AFF3: variants seen among roughly 807,000 people sequenced by gnomAD.
AFF3 encodes ALF transcription elongation factor 3.
A neutral mutation model predicts 129.7 loss-of-function variants in AFF3; 32 were observed. That is an observed-to-expected ratio of 0.25 (90% CI 0.19 to 0.33). The LOEUF is 0.33. Ranked by LOEUF, AFF3 falls within the 10% of genes least tolerant of loss-of-function variation. The pLI, the probability that AFF3 is intolerant of heterozygous loss-of-function variation, is 1.00. For missense variants in AFF3, 1,373 were observed against 1,592.0 expected (o/e 0.86, Z 2.34); for synonymous variants, 644 against 635.4 (o/e 1.01, Z -0.20).
At chr2:100,052,551 C>T (rs1559089388) in intron 4 of AFF3, among the ~76,000 whole-genome samples, 2 of 152,244 alleles carry the variant, frequency 1.3e-5, no homozygotes. Flanking sequence ...CAAACTTTCA[C>T]ACCACCTATA....
chr2:100,124,672 TG>T (rs751129569), intron 2 of AFF3, among the ~76,000 whole-genome samples: 1 of 102,548 alleles, frequency 9.8e-6, no homozygotes, highest in Non-Finnish European at 2.0e-5. Context: ...AGGGGGGAGA[TG>T]GGGGGGTGTA....
At chr2:100,046,428 A>C (rs1179365605) in intron 4 of AFF3, among the ~76,000 whole-genome samples, 1 of 152,160 alleles carries the variant, frequency 6.6e-6, no homozygotes, top group Admixed American at 6.5e-5. Context: ...GGCTGTAGGA[A>C]AAAGAGGAGA....
chr2:99,745,980 T>C (rs1227319753), intron 9 of AFF3, among the ~76,000 whole-genome samples: 4 of 152,074 alleles, frequency 2.6e-5, no homozygotes, highest in African/African-American at 4.8e-5. Context: ...AGTGGGAGGA[T>C]AGGAGTGGGA....
At chr2:99,998,623 T>A (rs528429703) in intron 7 of AFF3, among the ~76,000 whole-genome samples, 1 of 152,196 alleles carries the variant, frequency 6.6e-6, no homozygotes, top group Non-Finnish European at 1.5e-5. Context: ...TAGTGTGTAT[T>A]AAAAACATGC....
chr2:100,113,476 T>C (rs1025233303), intron 2 of AFF3, among the ~76,000 whole-genome samples: 1 of 152,216 alleles, frequency 6.6e-6, no homozygotes, highest in Admixed American at 6.5e-5. Flanking sequence ...CTTAGTGCTA[T>C]GATGAGAGAA....
At chr2:99,936,297 G>T (rs1221603621) in intron 7 of AFF3, among the ~76,000 whole-genome samples, 4 of 152,120 alleles carry the variant, frequency 2.6e-5, no homozygotes, top group Non-Finnish European at 4.4e-5. Context: ...ATGTGGGCAG[G>T]AATCCCCAGG....
intron 7 of AFF3, among the ~76,000 whole-genome samples, chr2:99,941,490 A>G (rs1285321439): frequency 2.0e-5 from 3 of 152,238 alleles, no homozygotes; most frequent in Non-Finnish European, 4.4e-5. Context: ...ACAGCTGCAT[A>G]TCACGATGAT....
At chr2:99,980,947 T>C (rs1679346093) in intron 7 of AFF3, among the ~76,000 whole-genome samples, 1 of 152,232 alleles carries the variant, frequency 6.6e-6, no homozygotes, top group Non-Finnish European at 1.5e-5. Context: ...TGTTTTTATA[T>C]ACTTGTTTTT....
At chr2:99,628,387 G>A (rs1682797070) in intron 13 of AFF3, among the ~76,000 whole-genome samples, 1 of 152,042 alleles carries the variant, frequency 6.6e-6, no homozygotes, top group Non-Finnish European at 1.5e-5. Flanking sequence ...AGGAATACTA[G>A]TGATTTTTGC....
chr2:100,008,808 C>G lies in AFF3; in HGVS notation c.174+4G>C. ...GTAGAGATGAACAACTGAAAACCAT[C>G]TACCTTGTAGGGCTCACTGAAGAGA... On this transcript the variant is annotated splice_donor_region_variant and intron_variant, in intron 5 of 24. Coordinates refer to ENST00000672756, the MANE Select transcript of AFF3 (RefSeq NM_001386135.1). The G allele has an allele frequency of 3.7e-6, 6 of 1,613,018 alleles. No individual in the cohort carries two copies. Among genetic ancestry groups the G allele is most frequent in the Non-Finnish European group, 5.1e-6 (6 of 1,179,494 alleles).
intron 17 of AFF3, among the ~76,000 whole-genome samples, chr2:99,581,455 C>G (rs1677533045): frequency 6.6e-6 from 1 of 151,966 alleles, no homozygotes; most frequent in Non-Finnish European, 1.5e-5. Flanking sequence ...ATCTTTAATT[C>G]ATGGGATAAA....
At chr2:99,976,798 G>GT (rs3073411) in intron 7 of AFF3, among the ~76,000 whole-genome samples, 4,520 of 132,156 alleles carry the variant, frequency 0.034, 147 homozygotes, top group African/African-American at 0.087. Flanking sequence ...TTTTGTTCCT[G>GT]TTTTTTTTTT....
chr2:99,721,304 G>A (rs1174034122), intron 11 of AFF3, among the ~76,000 whole-genome samples: 1 of 152,132 alleles, frequency 6.6e-6, no homozygotes, highest in Non-Finnish European at 1.5e-5. Context: ...GCCAAGGTGG[G>A]CGGATCATGA....
chr2:99,701,094 G>C (rs1266102293), intron 11 of AFF3, among the ~76,000 whole-genome samples: 1 of 152,220 alleles, frequency 6.6e-6, no homozygotes, highest in South Asian at 2.1e-4. Flanking sequence ...GAATGCCACA[G>C]TGGCCGGAGC....
At chr2:99,681,093 G>C (rs1371051237) in intron 11 of AFF3, among the ~76,000 whole-genome samples, 1 of 152,052 alleles carries the variant, frequency 6.6e-6, no homozygotes, top group Non-Finnish European at 1.5e-5. Context: ...AGCTCCCTAG[G>C]GAGCTGATTC....
Position 99,554,380 on chromosome 2 carries a change from T to G in AFF3, c.3490A>C (p.Ile1164Leu). 6.2e-7 allele frequency: 1 copy of G among 1,614,208 alleles called. No homozygotes were observed. Among genetic ancestry groups the G allele is most frequent in the Non-Finnish European group, 8.5e-7 (1 of 1,180,038 alleles). ...TAGCTGTGCAGGATGCTGTTGGTGA[T>G]GCTGACGTGGTTGGCCGCCATCTGG... ...IHQMAANHVS[I>L]TNSILHSYDY... The change falls in exon 24 of 25, where the codon ATC (isoleucine) becomes CTC (leucine). Residue 1164 changes from isoleucine (I) to leucine (L), a missense_variant. This residue lies in a region of AFF3 where 165 missense variants were observed against 234.0 expected (regional missense o/e 0.71). Transcript: ENST00000672756.
intron 8 of AFF3, among the ~76,000 whole-genome samples, chr2:99,804,883 A>C (rs960822007): frequency 1.3e-5 from 2 of 152,130 alleles, no homozygotes; most frequent in African/African-American, 4.8e-5. Context: ...TAAGCTATGG[A>C]TATGCAAAGG....
At chr2:99,726,952 T>G in intron 11 of AFF3, 125 bp downstream of exon 11, 49 of 857,950 alleles carry the variant, frequency 5.7e-5, no homozygotes, top group Non-Finnish European at 7.8e-5. Context: ...GACATTATCA[T>G]GAGAAAAGAG....
chr2:99,773,219 A>C (rs1017158891), intron 8 of AFF3, among the ~76,000 whole-genome samples: 9 of 152,226 alleles, frequency 5.9e-5, no homozygotes, highest in African/African-American at 2.2e-4. Flanking sequence ...GATTGAGACC[A>C]CAGCTAAGTT....
Sources: allele counts gnomAD v4.1 joint callset (sites outside exome capture counted in the v4.1 genomes callset), GRCh38; gene constraint gnomAD v4.1.1; regional missense constraint gnomAD v4.1.1; transcripts MANE v1.5; gene names NCBI Gene and HGNC (gene_info 2026-07-23, HGNC 2026-07-21).